Variants in GRIA2 observed in about 807,000 individuals in gnomAD.
The protein encoded by GRIA2 is glutamate receptor 2.
Under a neutral mutation model 97.3 loss-of-function variants are expected in GRIA2, and 14 were observed. That is an observed-to-expected ratio of 0.14 (90% CI 0.10 to 0.23). The LOEUF is 0.23. Among genes scored for constraint, GRIA2 ranks in the 10% least tolerant of loss-of-function variants. GRIA2 has a pLI of 1.00. For missense variants in GRIA2, 558 were observed against 1,069.8 expected, an observed-to-expected ratio of 0.52 and a Z score of 6.67; for synonymous variants, 412 against 387.8, an observed-to-expected ratio of 1.06 and a Z score of -0.73.
intron 2 of GRIA2, among the ~76,000 whole-genome samples, chr4:157,277,838 A>ATATATATG (rs1217946188): frequency 3.5e-5 from 5 of 142,414 alleles, no homozygotes; most frequent in South Asian, 2.1e-4. Context: ...ATATATGTAT[A>ATATATATG]TATATATGTA....
intron 2 of GRIA2, among the ~76,000 whole-genome samples, chr4:157,250,251 A>G (rs1355362642): frequency 6.6e-6 from 1 of 152,126 alleles, no homozygotes; most frequent in Non-Finnish European, 1.5e-5. Context: ...AGCCCTATAT[A>G]TTAAAGTTTA....
In GRIA2 at chr4:157,336,556, T is replaced by C. The variant is rs1735295986; in HGVS notation, c.1653T>C (p.Val551=). 1 of 1,613,272 alleles carries C rather than the reference T, an allele frequency of 6.2e-7. No homozygotes were observed. Among genetic ancestry groups the C allele is most frequent in the Non-Finnish European group, 8.5e-7 (1 of 1,179,546 alleles). The change falls in exon 11 of 16, where the codon GTT becomes GTC. Residue 551 remains valine (V), a synonymous_variant. Transcript: ENST00000264426. ...PLAYEIWMCI[V]FAYIGVSVVL... Reference sequence around the variant, plus strand: ...CCTATGAGATCTGGATGTGCATTGTTTTTGCCTACATTGGGGTCAGTGTAG... The same window carrying C: ...CCTATGAGATCTGGATGTGCATTGTCTTTGCCTACATTGGGGTCAGTGTAG...
At chr4:157,317,127 T>C (rs958319425) in intron 4 of GRIA2, among the ~76,000 whole-genome samples, 23 of 152,236 alleles carry the variant, frequency 1.5e-4, no homozygotes, top group African/African-American at 5.3e-4. Flanking sequence ...AGGATAGGAA[T>C]GTTATTTTAC....
chr4:157,230,481 C>T (rs979797228), intron 2 of GRIA2, among the ~76,000 whole-genome samples: 1 of 152,088 alleles, frequency 6.6e-6, no homozygotes, highest in Non-Finnish European at 1.5e-5. Flanking sequence ...GAATTTGCAA[C>T]TCGAAATTAA....
At chr4:157,356,375 A>G (rs1377838091) in intron 12 of GRIA2, among the ~76,000 whole-genome samples, 1 of 151,406 alleles carries the variant, frequency 6.6e-6, no homozygotes, top group Admixed American at 6.6e-5. Context: ...TTTGCATTGC[A>G]TCATGTTCTT....
chr4:157,336,013 T>C (rs1425061196), intron 10 of GRIA2, 136 bp downstream of exon 10: 2 of 685,566 alleles, frequency 2.9e-6, no homozygotes, highest in Admixed American at 2.3e-5. Context: ...TCTTGTTGAT[T>C]TGTGAACATC....
rs547344781 is a variant in GRIA2, at chr4:157,224,931, A to G, written c.229+3124A>G. Among the ~76,000 whole-genome samples the G allele has an allele frequency of 2.6e-5, 4 of 152,224 alleles. No individual in the cohort carries two copies. The South Asian group carries it at 8.3e-4, about 32-fold the overall frequency. The stretch of plus-strand genomic sequence containing the variant: ...AGGTATCATCTTGCAATGCTCTTGA[A>G]ATAGCTTGCTCTTCCAATCATAAAA... On this transcript the variant is annotated intron_variant, in intron 2 of 15. Coordinates refer to ENST00000264426, the MANE Select transcript of GRIA2 (RefSeq NM_001083619.3).
chr4:157,342,688 G>T (rs1452850729), intron 12 of GRIA2, among the ~76,000 whole-genome samples: 2 of 152,072 alleles, frequency 1.3e-5, no homozygotes, highest in African/African-American at 4.8e-5. Flanking sequence ...TTTGTATGCA[G>T]TGTAGCTTGC....
intron 2 of GRIA2, among the ~76,000 whole-genome samples, chr4:157,232,395 A>G (rs1482586256): frequency 6.6e-6 from 1 of 152,190 alleles, no homozygotes; most frequent in Non-Finnish European, 1.5e-5. Flanking sequence ...CATGATTTTC[A>G]TCTTTATTCG....
At chr4:157,363,257 T>C (rs1051626642) in intron 15 of GRIA2, 178 bp from the exon 16 acceptor site, 9 of 615,714 alleles carry the variant, frequency 1.5e-5, no homozygotes, top group South Asian at 9.5e-5. Context: ...GTGGACAGAT[T>C]CCTGCCATAA....
intron 3 of GRIA2, among the ~76,000 whole-genome samples, chr4:157,307,923 T>C (rs1733912908): frequency 6.6e-6 from 1 of 152,240 alleles, no homozygotes; most frequent in African/African-American, 2.4e-5. Context: ...GAGGGAAATA[T>C]ATGTTAATCT....
At chr4:157,341,741 G>T (rs1414244790) in intron 12 of GRIA2, among the ~76,000 whole-genome samples, 2 of 152,102 alleles carry the variant, frequency 1.3e-5, no homozygotes, top group Admixed American at 6.6e-5. Flanking sequence ...TTGAAGCAAA[G>T]TATAGTAGTT....
At chr4:157,314,492 G>T (rs1439832052) in intron 4 of GRIA2, among the ~76,000 whole-genome samples, 1 of 152,096 alleles carries the variant, frequency 6.6e-6, no homozygotes, top group African/African-American at 2.4e-5. Flanking sequence ...AGTTAAGATT[G>T]TTTTTAACCT....
Position 157,241,527 on chromosome 4 carries a change from G to A in GRIA2, c.229+19720G>A, listed in dbSNP as rs767283189. ...TTAGTTCTTTCTAGATATCTGTTTAGTTGATTTTGCCCTTCTTGTATTTAG... is the reference window on the plus strand; with the variant it reads ...TTAGTTCTTTCTAGATATCTGTTTAATTGATTTTGCCCTTCTTGTATTTAG... On this transcript the variant is annotated intron_variant, in intron 2 of 15. Transcript: ENST00000264426. Among the ~76,000 whole-genome samples the A allele has an allele frequency of 1.4e-4, 22 of 152,048 alleles. 1 individual carries two copies. The highest frequency in any genetic ancestry group is 5.9e-5 in the Non-Finnish European group (4 of 67,974).
At chr4:157,334,159 C>T in intron 9 of GRIA2, 39 bp downstream of exon 9, 1 of 969,592 alleles carries the variant, frequency 1.0e-6, no homozygotes, top group African/African-American at 1.6e-5. Flanking sequence ...TTTGTATTTT[C>T]TTATGGCTAA....
At chr4:157,329,063 A>G (rs941476576) in intron 6 of GRIA2, among the ~76,000 whole-genome samples, 1 of 151,972 alleles carries the variant, frequency 6.6e-6, no homozygotes, top group Non-Finnish European at 1.5e-5. Flanking sequence ...GCTCTTTTCC[A>G]TAGGGTAAAC....
chr4:157,222,064 G>T (rs1391158702), intron 2 of GRIA2, among the ~76,000 whole-genome samples: 1 of 152,072 alleles, frequency 6.6e-6, no homozygotes, highest in Non-Finnish European at 1.5e-5. Context: ...CGGGGTGAGG[G>T]TTGGAGCCAG....
intron 6 of GRIA2, among the ~76,000 whole-genome samples, chr4:157,326,202 C>T (rs1232266357): frequency 1.3e-5 from 2 of 152,146 alleles, no homozygotes; most frequent in East Asian, 1.9e-4. Flanking sequence ...GCTAAGTCTC[C>T]TGCACTCCTT....
intron 2 of GRIA2, among the ~76,000 whole-genome samples, chr4:157,257,075 A>T (rs1731311027): frequency 6.6e-6 from 1 of 152,082 alleles, no homozygotes; most frequent in South Asian, 2.1e-4. Context: ...AAGTTGGAAG[A>T]AATCAGTTAT....
Sources: allele counts gnomAD v4.1 joint callset (sites outside exome capture counted in the v4.1 genomes callset), GRCh38; gene constraint gnomAD v4.1.1; transcripts MANE v1.5; gene names NCBI Gene and HGNC (gene_info 2026-07-23, HGNC 2026-07-21).